The following JADE3 variants were observed in gnomAD, a reference collection of about 807,000 sequenced individuals.
JADE3 encodes jade family PHD finger 3.
JADE3 carries 2 observed loss-of-function variants against 50.1 expected under a neutral mutation model. The ratio of observed to expected loss-of-function variants is 0.04; its 90% confidence interval spans 0.02 to 0.13. JADE3 has a LOEUF of 0.13. JADE3 is among the 10% of genes least tolerant of loss of function. The probability of loss-of-function intolerance (pLI) is 1.00; values close to 1 mark genes in which losing one functional copy is unlikely to be tolerated. For synonymous variants in JADE3, 218 were observed against 232.9 expected, an observed-to-expected ratio of 0.94 and a Z score of 0.58; for missense variants, 475 against 634.4, an observed-to-expected ratio of 0.75 and a Z score of 2.70.
intron 7 of JADE3, among the ~76,000 whole-genome samples, chrX:47,037,437 C>T (rs1280266359): frequency 1.8e-5 from 2 of 111,587 alleles, no homozygotes; most frequent in Non-Finnish European, 3.8e-5. Flanking sequence ...ATAATAGATA[C>T]TCGATTTAGT....
At chrX:47,045,978 G>A (rs1929361347) in intron 8 of JADE3, among the ~76,000 whole-genome samples, 1 of 110,407 alleles carries the variant, frequency 9.1e-6, no homozygotes, top group Admixed American at 9.7e-5. Context: ...GCATCTTAAA[G>A]AACTAGAAAA....
At chrX:46,944,512 T>C (rs1409158554) in intron 1 of JADE3, among the ~76,000 whole-genome samples, 7 of 110,576 alleles carry the variant, frequency 6.3e-5, no homozygotes, top group Non-Finnish European at 1.3e-4. Flanking sequence ...TTCACCATAT[T>C]GTCCAGGCTG....
At chrX:46,917,048 C>T (rs1337407422) in intron 1 of JADE3, among the ~76,000 whole-genome samples, 1 of 111,763 alleles carries the variant, frequency 8.9e-6, no homozygotes, top group Non-Finnish European at 1.9e-5. Context: ...CCTAACTCTA[C>T]CACTTGCTCT....
intron 6 of JADE3, among the ~76,000 whole-genome samples, chrX:47,030,575 A>G (rs1410074887): frequency 8.9e-6 from 1 of 112,116 alleles, no homozygotes; most frequent in East Asian, 2.8e-4. Context: ...ACTCCCTAAC[A>G]GAATGGGGAC....
chrX:46,941,009 G>A (rs1926740122), intron 1 of JADE3, among the ~76,000 whole-genome samples: 1 of 110,446 alleles, frequency 9.1e-6, no homozygotes, highest in African/African-American at 3.3e-5. Context: ...GCATGACATC[G>A]AGGTTTAGGG....
intron 3 of JADE3, among the ~76,000 whole-genome samples, chrX:46,996,304 G>A (rs1202331010): frequency 1.8e-5 from 2 of 112,102 alleles, no homozygotes; most frequent in Admixed American, 1.9e-4. Flanking sequence ...CAAAGTGCTG[G>A]GATTACAGGC....
chrX:47,056,018 A>T, intron 9 of JADE3, 64 bp from the exon 10 acceptor site: 1 of 714,528 alleles, frequency 1.4e-6, no homozygotes, highest in Non-Finnish European at 2.2e-6. Flanking sequence ...TAGCCAAACA[A>T]TTTCAGTTGT....
intron 1 of JADE3, among the ~76,000 whole-genome samples, chrX:46,933,361 C>A (rs1420611862): frequency 8.9e-6 from 1 of 112,219 alleles, no homozygotes; most frequent in Non-Finnish European, 1.9e-5. Flanking sequence ...AGTGGAACTC[C>A]TTCACATTAA....
At chrX:47,053,014 C>T (rs188544320) in intron 8 of JADE3, among the ~76,000 whole-genome samples, 5,291 of 110,764 alleles carry the variant, frequency 0.048, 143 homozygotes, top group Non-Finnish European at 0.074. Flanking sequence ...CGAGATTGCA[C>T]CACTGCACTC....
At chrX:47,043,889 T>C (rs1172622020) in intron 8 of JADE3, among the ~76,000 whole-genome samples, 1 of 109,398 alleles carries the variant, frequency 9.1e-6, no homozygotes, top group Non-Finnish European at 1.9e-5. Context: ...AAAATGCAAT[T>C]GACAGACTGA....
intron 8 of JADE3, among the ~76,000 whole-genome samples, chrX:47,041,839 C>T (rs1464619596): frequency 9.1e-6 from 1 of 109,332 alleles, no homozygotes; most frequent in Non-Finnish European, 1.9e-5. Context: ...CCACACCCAG[C>T]TAATTTTTTG....
intron 1 of JADE3, among the ~76,000 whole-genome samples, chrX:46,941,270 G>A (rs1421542559): frequency 8.9e-6 from 1 of 111,796 alleles, no homozygotes; most frequent in Non-Finnish European, 1.9e-5. Context: ...TGGCTACATA[G>A]TATTCTATGG....
intron 1 of JADE3, among the ~76,000 whole-genome samples, chrX:46,917,834 C>CATTCTCT (rs1556336773): frequency 9.4e-5 from 4 of 42,539 alleles, no homozygotes; most frequent in Non-Finnish European, 1.3e-4. Flanking sequence ...TCTCTCTCAT[C>CATTCTCT]CTCTCTCTCT....
chrX:47,056,222 C>T (rs782326329), intron 10 of JADE3, 23 bp downstream of exon 10: 1 of 855,757 alleles, frequency 1.2e-6, no homozygotes, highest in Non-Finnish European at 1.7e-6. Flanking sequence ...TTTAAAATGT[C>T]CTAACAAATA....
chrX:47,047,862 C>G (rs1556371042), intron 8 of JADE3, among the ~76,000 whole-genome samples: 1 of 111,635 alleles, frequency 9.0e-6, no homozygotes, highest in African/African-American at 3.3e-5. Context: ...CAGTTATACT[C>G]ACAGTTATAG....
At chrX:47,012,527 C>T (rs1257022618) in intron 4 of JADE3, among the ~76,000 whole-genome samples, 1 of 110,709 alleles carries the variant, frequency 9.0e-6, no homozygotes, top group Non-Finnish European at 1.9e-5. Flanking sequence ...GCTGCAGTGA[C>T]CTATGATCAC....
rs148696525 is a variant in JADE3, at chrX:46,913,930, C to T, written c.-12+1211C>T. Among the ~76,000 whole-genome samples the T allele has an allele frequency of 4.7e-3, 523 of 110,385 alleles. 2 individuals are homozygous for T. The highest frequency in any genetic ancestry group is 0.023 in the Middle Eastern group (5 of 218). On this transcript the variant is annotated intron_variant, in intron 1 of 10. Transcript: ENST00000614628. ...CCGTGAGGTGCGTTTATCTATGAAG[C>T]TGAGGATGAGATTCCCCCCTCCCGC...
At chrX:46,954,228 A>G (rs782463757) in intron 1 of JADE3, among the ~76,000 whole-genome samples, 1 of 111,434 alleles carries the variant, frequency 9.0e-6, no homozygotes, top group Non-Finnish European at 1.9e-5. Flanking sequence ...ACCAGGACAC[A>G]TGAAACTCCA....
chrX:46,945,958 G>A (rs1439259283), intron 1 of JADE3, among the ~76,000 whole-genome samples: 1 of 111,482 alleles, frequency 9.0e-6, no homozygotes, highest in Non-Finnish European at 1.9e-5. Context: ...TGCTTAAGTA[G>A]GGCATATGTG....
Sources: allele counts gnomAD v4.1 joint callset (sites outside exome capture counted in the v4.1 genomes callset), GRCh38; gene constraint gnomAD v4.1.1; transcripts MANE v1.5; gene names NCBI Gene and HGNC (gene_info 2026-07-23, HGNC 2026-07-21).